Variants in TFE3 observed in about 807,000 individuals in gnomAD.
TFE3 encodes the protein transcription factor binding to IGHM enhancer 3, also known as transcription factor E3.
TFE3 carries 5 observed loss-of-function variants against 35.0 expected under a neutral mutation model. The ratio of observed to expected loss-of-function variants is 0.14; its 90% CI spans 0.07 to 0.30. The LOEUF (loss-of-function observed/expected upper bound fraction) is 0.30. TFE3 is among the 10% of genes least tolerant of loss of function. The probability of loss-of-function intolerance (pLI) is 1.00; values close to 1 mark genes in which losing one functional copy is unlikely to be tolerated. For missense variants in TFE3, 374 were observed against 496.6 expected (o/e 0.75, Z 2.35); for synonymous variants, 211 against 215.6 (o/e 0.98, Z 0.18).
intron 3 of TFE3, 145 bp downstream of exon 3, chrX:49,038,962 A>G: frequency 1.8e-6 from 1 of 566,655 alleles, no homozygotes; most frequent in Non-Finnish European, 2.6e-6. Context: ...ATGAACACAG[A>G]TAATTTAAAC....
At chrX:49,030,781 A>G (rs1239301801) in intron 9 of TFE3, among the ~76,000 whole-genome samples, 180 bp from the exon 10 acceptor site, 1 of 111,869 alleles carries the variant, frequency 8.9e-6, no homozygotes, top group African/African-American at 3.2e-5. Flanking sequence ...CGCAAACTGT[A>G]AAGTGGGTAT....
intron 2 of TFE3, among the ~76,000 whole-genome samples, chrX:49,040,181 G>C (rs1168404098): frequency 9.0e-6 from 1 of 110,743 alleles, no homozygotes; most frequent in African/African-American, 3.3e-5. Flanking sequence ...ACTCCAGGCC[G>C]GCTGGAACAC....
intron 7 of TFE3, 67 bp downstream of exon 7, chrX:49,033,659 G>A (rs2064712191): frequency 8.4e-7 from 1 of 1,190,578 alleles, no homozygotes; most frequent in Middle Eastern, 2.4e-4. Context: ...TTCCCCATGG[G>A]GGGCCAGGAC....
chrX:49,037,792 C>T (rs2147775154), intron 5 of TFE3: 1 of 405,256 alleles, frequency 2.5e-6, no homozygotes, highest in Non-Finnish European at 4.3e-6. Context: ...GTGAACTCCC[C>T]ACCTGTATCT....
In TFE3 at chrX:49,040,574, G is replaced by A. The variant is rs1557075570; in HGVS notation, c.117-6C>T. On this transcript the variant is annotated splice_region_variant and splice_polypyrimidine_tract_variant and intron_variant, in intron 1 of 9. Transcript: ENST00000315869. The stretch of plus-strand genomic sequence containing the variant: ...CCGGAAGCAAAGAGTTCAGGCTGAG[G>A]GGGAGGTGGAGTGGTGGTCAGTGAT... 10 of 1,162,958 alleles carry A rather than the reference G, an allele frequency of 8.6e-6. No homozygotes were observed. The South Asian group carries it at 1.8e-4, about 21-fold the overall frequency.
At chrX:49,032,684 T>G (rs1363083305) in intron 8 of TFE3, among the ~76,000 whole-genome samples, 2 of 106,476 alleles carry the variant, frequency 1.9e-5, no homozygotes, top group Non-Finnish European at 3.9e-5. Context: ...TTTTTTTTTT[T>G]TTGTTTTTGA....
chrX:49,032,656 C>T (rs1276936857), intron 8 of TFE3, among the ~76,000 whole-genome samples: 3 of 110,145 alleles, frequency 2.7e-5, no homozygotes, highest in African/African-American at 9.9e-5. Flanking sequence ...CAGGCGTGAG[C>T]CACTGCACCC....
At chrX:49,037,727 C>A (rs2147774958) in intron 5 of TFE3, 1 of 230,768 alleles carries the variant, frequency 4.3e-6, no homozygotes, top group Non-Finnish European at 7.7e-6. Flanking sequence ...AGATTATCAT[C>A]TCTTGGTACT....
At chrX:49,035,164 C>A (rs2064721047) in intron 5 of TFE3, among the ~76,000 whole-genome samples, 1 of 105,143 alleles carries the variant, frequency 9.5e-6, no homozygotes, top group Non-Finnish European at 2.0e-5. Flanking sequence ...TACAAAACAA[C>A]AAAAAAAATT....
intron 5 of TFE3, among the ~76,000 whole-genome samples, chrX:49,037,133 G>T (rs1557074912): frequency 9.0e-6 from 1 of 110,996 alleles, no homozygotes; most frequent in African/African-American, 3.3e-5. Context: ...GTGAAACCCG[G>T]TCTCTACTAA....
Position 49,039,139 on chromosome X carries a change from G to T in TFE3, c.502C>A (p.Pro168Thr). The change falls in exon 3 of 10, where the codon CCC becomes ACC. Residue 168 changes from proline (P) to threonine (T), a missense_variant. By Grantham distance (38) the Pro-to-Thr change is conservative. Around this residue, in one of 3 missense-constraint regions of TFE3, gnomAD observed 167 missense variants for 297.2 expected, o/e 0.56. Transcript: ENST00000315869. ...ACCTCCCTGGGCACCTGAGCAGGGG[G>T]TGGACGGCTCAATGTGTGGCCCCCA... ...SAGGHTLSRP[P>T]PAQVPREVLK... 1 of 1,185,296 alleles carries T rather than the reference G, an allele frequency of 8.4e-7. No homozygotes were observed.
intron 1 of TFE3, among the ~76,000 whole-genome samples, chrX:49,041,599 T>C (rs1557075745): frequency 9.0e-6 from 1 of 111,263 alleles, no homozygotes; most frequent in African/African-American, 3.3e-5. Flanking sequence ...CTCCTGTTTT[T>C]TTGGATAGAT....
intron 5 of TFE3, among the ~76,000 whole-genome samples, chrX:49,036,463 T>A: frequency 1.7e-5 from 1 of 58,535 alleles, no homozygotes; most frequent in African/African-American, 6.9e-5. Flanking sequence ...TGAAACTCCA[T>A]CTCAAAAAAA....
At chrX:49,032,742 T>C (rs782010251) in intron 8 of TFE3, among the ~76,000 whole-genome samples, 1 of 108,667 alleles carries the variant, frequency 9.2e-6, no homozygotes, top group African/African-American at 3.4e-5. Context: ...TGGCACCATA[T>C]TGGCTCACTG....
chrX:49,039,386 T>G lies in TFE3; in HGVS notation c.255A>C (p.Thr85=). 1.7e-6 allele frequency: 2 copies of G among 1,199,708 alleles called. No homozygotes were observed. The highest frequency in any genetic ancestry group is 2.2e-6 in the Non-Finnish European group (2 of 889,574). ...RSSLPISLQA[T]PATPATLSAS... is the part of the protein sequence containing the mutation. ...CAGAGAGTGTAGCTGGGGTGGCTGG[T>G]GTGGCCTGCAGTGATATTGGGAGGC... Residue 85 remains threonine (T), a synonymous_variant, in exon 3 of 10, where the codon ACA becomes ACC. Coordinates refer to ENST00000315869, the MANE Select transcript of TFE3 (RefSeq NM_006521.6).
intron 1 of TFE3, 98 bp from the exon 2 acceptor site, chrX:49,040,666 C>T (rs1007116319): frequency 6.8e-6 from 4 of 587,383 alleles, no homozygotes; most frequent in South Asian, 2.6e-5. Context: ...GGGGGGAGAA[C>T]GAAGAGGAGG....
intron 5 of TFE3, among the ~76,000 whole-genome samples, chrX:49,035,895 G>A (rs1353071285): frequency 2.7e-5 from 3 of 111,142 alleles, no homozygotes; most frequent in Non-Finnish European, 5.7e-5. Flanking sequence ...ATGAGACCAG[G>A]CATGGTGGCT....
chrX:49,043,233 C>G lies in TFE3; in HGVS notation c.-7G>C, dbSNP rs782492795. 8.7e-7 allele frequency: 1 copy of G among 1,143,085 alleles called. No homozygotes were observed. Among genetic ancestry groups the G allele is most frequent in the Non-Finnish European group, 1.2e-6 (1 of 861,115 alleles). The allele number at this position is 1,143,085 out of a possible 1,213,427, so 94.2% of individuals were successfully genotyped here. On this transcript the variant is annotated 5_prime_UTR_variant, in exon 1 of 10. Transcript: ENST00000315869. Reference sequence around the variant, plus strand: ...GTTCGGCCGCATGAGACATGACGCCCGGCCCCGGGCGAGCCCTGCCAGGCC... The same window carrying G: ...GTTCGGCCGCATGAGACATGACGCCGGGCCCCGGGCGAGCCCTGCCAGGCC...
intron 1 of TFE3, among the ~76,000 whole-genome samples, chrX:49,042,008 G>C (rs1217299271): frequency 2.9e-5 from 1 of 34,668 alleles, no homozygotes; most frequent in Non-Finnish European, 1.0e-4. Flanking sequence ...AGGCACAAAG[G>C]AGGCAAAGAC....
Sources: allele counts gnomAD v4.1 joint callset (sites outside exome capture counted in the v4.1 genomes callset), GRCh38; gene constraint gnomAD v4.1.1; regional missense constraint gnomAD v4.1.1; transcripts MANE v1.5; gene names NCBI Gene and HGNC (gene_info 2026-07-23, HGNC 2026-07-21).